LYSMD2: variants seen among roughly 807,000 people sequenced by gnomAD.
LYSMD2 encodes LysM domain containing 2.
Under a neutral mutation model 17.7 loss-of-function variants are expected in LYSMD2, and 6 were observed. The ratio of observed to expected loss-of-function variants is 0.34; its 90% CI spans 0.19 to 0.67. The LOEUF is 0.67. LYSMD2 is among the 30% of genes least tolerant of loss of function. LYSMD2 has a pLI of 0.69. For synonymous variants in LYSMD2, 102 were observed against 129.8 expected (o/e 0.79, Z 1.45); for missense variants, 237 against 286.7 (o/e 0.83, Z 1.25).
At chr15:51,724,746 A>C in intron 2 of LYSMD2, 44 bp downstream of exon 2, 1 of 1,395,700 alleles carries the variant, frequency 7.2e-7, no homozygotes, top group Non-Finnish European at 9.9e-7. Flanking sequence ...ACATCTTAAT[A>C]GTGATTTATT....
chr15:51,723,643 T>A lies in LYSMD2; in HGVS notation c.612A>T (p.Glu204Asp). 8 of 1,601,406 alleles carry A rather than the reference T, an allele frequency of 5.0e-6. No individual in the cohort carries two copies. Among genetic ancestry groups the A allele is most frequent in the Non-Finnish European group, 6.0e-6 (7 of 1,174,486 alleles). The change falls in exon 3 of 3, where the codon GAA becomes GAT. Residue 204 changes from glutamate (E) to aspartate (D), a missense_variant. Transcript: ENST00000267838. ...AGAGGGAAGTTGCATAGGGACTTTC[T>A]TCATCTCTGAAAGAAAATAAATACA... ...AKKLKEESRD[E>D]ESPYATSLYH...
intron 1 of LYSMD2, among the ~76,000 whole-genome samples, chr15:51,744,663 A>G (rs577331760): frequency 6.6e-6 from 1 of 152,284 alleles, no homozygotes; most frequent in South Asian, 2.1e-4. Context: ...GCATTATAGA[A>G]TTAGTTAAGA....
chr15:51,746,186 T>C (rs1182704932), intron 1 of LYSMD2, among the ~76,000 whole-genome samples: 1 of 152,180 alleles, frequency 6.6e-6, no homozygotes, highest in African/African-American at 2.4e-5. Context: ...ACAGCAAAAC[T>C]GTGGAAGCAG....
intron 1 of LYSMD2, among the ~76,000 whole-genome samples, chr15:51,734,947 G>A (rs1239396413): frequency 1.3e-5 from 2 of 152,182 alleles, no homozygotes; most frequent in Non-Finnish European, 2.9e-5. Context: ...GGCTGAGGTG[G>A]GTGGATTGCT....
chr15:51,729,905 C>T (rs754997213), intron 1 of LYSMD2, among the ~76,000 whole-genome samples: 1 of 152,246 alleles, frequency 6.6e-6, no homozygotes, highest in South Asian at 2.1e-4. Flanking sequence ...CTCTGTTCAA[C>T]ACTTCCTAAG....
At chr15:51,737,754 A>G, upstream of LYSMD2, 1 of 679,170 alleles carries the variant, frequency 1.5e-6, no homozygotes, top group Non-Finnish European at 2.0e-6. This position sits in a 1 kb window ranked among gnomAD's most constrained non-coding sequence, Gnocchi z 4.2. Flanking sequence ...GCGGACGGGA[A>G]GCCGAGGCGG....
At chr15:51,750,845 A>G (rs1036426184) in intron 1 of LYSMD2, among the ~76,000 whole-genome samples, 1 of 152,200 alleles carries the variant, frequency 6.6e-6, no homozygotes, top group Non-Finnish European at 1.5e-5. Context: ...AACGACTAAC[A>G]AACCCAGTGG....
intron 1 of LYSMD2, among the ~76,000 whole-genome samples, chr15:51,745,623 G>A (rs7166954): frequency 0.06 from 9,028 of 151,390 alleles, 345 homozygotes; most frequent in East Asian, 0.1. Context: ...ATGTTTACCA[G>A]TGAACACCAT....
upstream of LYSMD2, among the ~76,000 whole-genome samples, chr15:51,740,441 A>G (rs914785620): frequency 6.6e-6 from 1 of 152,250 alleles, no homozygotes; most frequent in Non-Finnish European, 1.5e-5. Flanking sequence ...CTTTGAAGGG[A>G]ATGGTAAGAA....
At chr15:51,738,604 A>G (rs1473309539), upstream of LYSMD2, among the ~76,000 whole-genome samples, 1 of 151,992 alleles carries the variant, frequency 6.6e-6, no homozygotes, top group Admixed American at 6.6e-5. Context: ...GTGGGTACAC[A>G]TTTACTAGCA....
rs868339831 is a variant in LYSMD2, at chr15:51,737,288, G to A, written c.273+62C>T. 1.2e-4 allele frequency: 31 copies of A among 250,544 alleles called. No individual in the cohort carries two copies. Among genetic ancestry groups the A allele is most frequent in the African/African-American group, 2.9e-4 (4 of 13,574 alleles). The allele number at this position is 250,544 out of a possible 1,614,324, so 15.5% of individuals were successfully genotyped here. On this transcript the variant is annotated intron_variant, in intron 1 of 2. Coordinates refer to ENST00000267838, the MANE Select transcript of LYSMD2 (RefSeq NM_153374.3). This position sits in a 1 kb window ranked among gnomAD's most constrained non-coding sequence, Gnocchi z 4.2. Reference sequence around the variant, plus strand: ...CCCACCCCCACCCCCACCGCACCCCGAGCCGCACCGCCTCCTGCGCGGTAG... The same window carrying A: ...CCCACCCCCACCCCCACCGCACCCCAAGCCGCACCGCCTCCTGCGCGGTAG...
upstream of LYSMD2, among the ~76,000 whole-genome samples, chr15:51,742,532 G>A (rs2055648361): frequency 1.3e-5 from 2 of 152,274 alleles, no homozygotes; most frequent in Admixed American, 1.3e-4. Context: ...GAGTTTGGGG[G>A]AGCTCTTTGT....
At chr15:51,740,401 C>G (rs1253989992), upstream of LYSMD2, among the ~76,000 whole-genome samples, 3 of 152,162 alleles carry the variant, frequency 2.0e-5, no homozygotes, top group Non-Finnish European at 2.9e-5. Context: ...AAGTTCATCA[C>G]AATTAAAGAT....
chr15:51,743,975 G>T (rs1191705136), intron 1 of LYSMD2, among the ~76,000 whole-genome samples: 2 of 152,056 alleles, frequency 1.3e-5, no homozygotes, highest in East Asian at 1.9e-4. Flanking sequence ...CTACAATCTT[G>T]TTATAATCAT....
intron 1 of LYSMD2, among the ~76,000 whole-genome samples, chr15:51,746,453 A>C (rs1310808036): frequency 6.6e-6 from 1 of 152,224 alleles, no homozygotes; most frequent in Non-Finnish European, 1.5e-5. Context: ...CTGGGTGTGT[A>C]GGGGGAATGA....
At position 51,735,530 on chromosome 15, in the gene LYSMD2, C is replaced by T. The variant is rs572542880; in HGVS notation, c.273+1820G>A. 6.3e-4 allele frequency among the ~76,000 whole-genome samples: 96 copies of T among 152,248 alleles called. 1 individual carries two copies. Among genetic ancestry groups the T allele is most frequent in the Admixed American group, 3.5e-3 (54 of 15,290 alleles). ...CATCAACAGTGCTGAGGTTGGGAAACCCTGTAATGAACTATGTGTCACTAT... is the reference window on the plus strand; with the variant it reads ...CATCAACAGTGCTGAGGTTGGGAAATCCTGTAATGAACTATGTGTCACTAT... On this transcript the variant is annotated intron_variant, in intron 1 of 2. Transcript: ENST00000267838.
chr15:51,747,267 G>T, intron 1 of LYSMD2, among the ~76,000 whole-genome samples: 1 of 150,876 alleles, frequency 6.6e-6, no homozygotes. Flanking sequence ...TGAGGCAGGC[G>T]GATCACTTGA....
chr15:51,731,766 AT>A (rs1426572319), intron 1 of LYSMD2, among the ~76,000 whole-genome samples: 1 of 152,166 alleles, frequency 6.6e-6, no homozygotes, highest in Non-Finnish European at 1.5e-5. Context: ...CTGCACAAAA[AT>A]TCACGGTGGC....
Position 51,725,063 on chromosome 15 carries a change from T to G in LYSMD2, c.332A>C (p.Lys111Thr). The G allele has an allele frequency of 6.2e-7, 1 of 1,613,244 alleles. No individual in the cohort carries two copies. The highest frequency in any genetic ancestry group is 8.5e-7 in the Non-Finnish European group (1 of 1,179,276). ...TGATATAACTGGGATGTTCAAAGTT[T>G]TCTTCAGAAATATACAATCATTGGT... Reference protein sequence around the residue: ...LFTNDCIFLKKTLNIPVISEK... With the variant: ...LFTNDCIFLKTTLNIPVISEK... Residue 111 changes from lysine (K) to threonine (T), a missense_variant, in exon 2 of 3, where the codon AAA (lysine) becomes ACA (threonine). Coordinates refer to ENST00000267838, the MANE Select transcript of LYSMD2 (RefSeq NM_153374.3).
Sources: gnomAD v4.1 joint callset for allele counts (sites outside exome capture counted in the v4.1 genomes callset) on GRCh38, gnomAD v4.1.1 for gene constraint, Gnocchi (gnomAD v3.1) non-coding constraint, MANE v1.5 for transcripts, NCBI Gene and HGNC (gene_info 2026-07-23, HGNC 2026-07-21) for gene names.